The following RTRAF variants were observed in gnomAD, a reference collection of about 807,000 sequenced individuals.
The protein encoded by RTRAF is tRNA-splicing ligase complex subunit RTRAF.
A neutral mutation model predicts 34.4 loss-of-function variants in RTRAF; 14 were observed. The observed-to-expected ratio is 0.41, with a 90% confidence interval of 0.27 to 0.64. The LOEUF (loss-of-function observed/expected upper bound fraction) is 0.64. RTRAF is among the 30% of genes least tolerant of loss of function. RTRAF has a pLI of 0.34. For synonymous variants in RTRAF, 96 were observed against 95.3 expected (o/e 1.01, Z -0.04); for missense variants, 291 against 288.4 (o/e 1.01, Z -0.06).
chr14:52,001,387 T>C (rs750743453), intron 5 of RTRAF, among the ~76,000 whole-genome samples: 3 of 152,200 alleles, frequency 2.0e-5, no homozygotes, highest in African/African-American at 4.8e-5. Flanking sequence ...TATGATCTGC[T>C]ACCCTTTGTG....
chr14:51,999,910 G>A, intron 5 of RTRAF, 114 bp downstream of exon 5: 1 of 671,816 alleles, frequency 1.5e-6, no homozygotes, highest in Non-Finnish European at 2.5e-6. Flanking sequence ...AAAATACACA[G>A]AAGAATATGA....
intron 4 of RTRAF, chr14:51,999,501 G>A: frequency 4.3e-6 from 2 of 467,888 alleles, no homozygotes; most frequent in Non-Finnish European, 3.8e-6. Context: ...GTCTCATACA[G>A]TAATAGGAAA....
At position 52,005,176 on chromosome 14, in the gene RTRAF, T is replaced by A. The variant is rs1052725857; in HGVS notation, c.*660T>A. 1 of 249,510 alleles carries A rather than the reference T, an allele frequency of 4.0e-6. No homozygotes were observed. Among genetic ancestry groups the A allele is most frequent in the Non-Finnish European group, 7.6e-6 (1 of 131,404 alleles). The allele number at this position is 249,510 out of a possible 1,614,324, so 15.5% of individuals were successfully genotyped here. A position where few individuals can be genotyped will look rare whatever the true frequency, so the allele number is the denominator to read the frequency against. ...GTTTAGAGTCTTAAACTCTAATTCTTAGTTGAATGAATTTGATCTTTTAAA... is the reference window on the plus strand; with the variant it reads ...GTTTAGAGTCTTAAACTCTAATTCTAAGTTGAATGAATTTGATCTTTTAAA... On this transcript the variant is annotated 3_prime_UTR_variant, in exon 8 of 8. Coordinates refer to ENST00000261700, the MANE Select transcript of RTRAF (RefSeq NM_016039.3).
Position 51,993,742 on chromosome 14 carries a change from G to A in RTRAF, c.206G>A (p.Cys69Tyr). Residue 69 changes from cysteine (C) to tyrosine (Y), a missense_variant, in exon 3 of 8, where the codon TGT becomes TAT. Physicochemically the swap from Cys to Tyr is radical, Grantham distance 194 (BLOSUM62 -2). Transcript: ENST00000261700. ...FFEKYLRDVN[C>Y]PFKIQDRQEA... ...TCACAGTATCTCAGAGATGTTAACTGTCCTTTCAAGATTCAAGATCGACAA... is the reference window on the plus strand; with the variant it reads ...TCACAGTATCTCAGAGATGTTAACTATCCTTTCAAGATTCAAGATCGACAA... 6.2e-7 allele frequency: 1 copy of A among 1,600,378 alleles called. No homozygotes were observed. The highest frequency in any genetic ancestry group is 8.5e-7 in the Non-Finnish European group (1 of 1,173,342).
intron 5 of RTRAF, 102 bp downstream of exon 5, chr14:51,999,898 C>A: frequency 2.7e-6 from 2 of 740,660 alleles, no homozygotes; most frequent in East Asian, 5.5e-5. Context: ...GGTTGAATGA[C>A]TAAAATACAC....
intron 4 of RTRAF, 43 bp downstream of exon 4, chr14:51,998,623 T>G (rs2140329649): frequency 7.5e-7 from 1 of 1,329,278 alleles, no homozygotes; most frequent in Non-Finnish European, 1.0e-6. Flanking sequence ...ACATTTTTGG[T>G]TTTTTAAATG....
intron 6 of RTRAF, 189 bp from the exon 7 acceptor site, chr14:52,004,005 G>T: frequency 1.7e-6 from 1 of 599,932 alleles, no homozygotes; most frequent in Non-Finnish European, 3.0e-6. Context: ...CCCCCTAACC[G>T]GTTGAAATAG....
chr14:51,996,686 T>G (rs1890526318), intron 3 of RTRAF, among the ~76,000 whole-genome samples: 1 of 152,032 alleles, frequency 6.6e-6, no homozygotes, highest in South Asian at 2.1e-4. Context: ...TTAAACACTT[T>G]AAAGTGCATT....
At position 52,006,531 on chromosome 14, in the gene RTRAF, GC is replaced by G. The variant is rs762107123; in HGVS notation, c.*2016del. 7 of 1,613,354 alleles carry G rather than the reference GC, an allele frequency of 4.3e-6. No homozygotes were observed. The highest frequency in any genetic ancestry group is 5.9e-6 in the Non-Finnish European group (7 of 1,179,450). On this transcript the variant is annotated 3_prime_UTR_variant, in exon 8 of 8. Transcript: ENST00000261700. The stretch of plus-strand genomic sequence containing the variant: ...TTCAGGCTTGTCCAGAATTTGTGGG[GC>G]TCACCTCCTCCAGTCTGTGTGGTAG...
chr14:51,994,602 C>G (rs764991503), intron 3 of RTRAF, among the ~76,000 whole-genome samples: 2 of 152,134 alleles, frequency 1.3e-5, no homozygotes, highest in African/African-American at 2.4e-5. Flanking sequence ...ATTAGTGTCA[C>G]CTTCTGTTCT....
Position 52,005,479 on chromosome 14 carries a change from A to ACTGTACTTACTTTCTTCCTGT in RTRAF, c.*964_*984dup, listed in dbSNP as rs760106209. 22 of 1,595,118 alleles carry ACTGTACTTACTTTCTTCCTGT rather than the reference A, an allele frequency of 1.4e-5. No individual in the cohort carries two copies. In the East Asian group the frequency reaches 4.7e-4, roughly 34 times the overall value. On this transcript the variant is annotated 3_prime_UTR_variant, in exon 8 of 8. Coordinates refer to ENST00000261700, the MANE Select transcript of RTRAF (RefSeq NM_016039.3). ...TAAACTCCAAGTCTTCCTTTACATT[A>ACTGTACTTACTTTCTTCCTGT]CTGTACTTACTTTCTTCCTGTGAGA...
intron 2 of RTRAF, among the ~76,000 whole-genome samples, chr14:51,991,698 T>G (rs967124674): frequency 1.3e-5 from 2 of 152,192 alleles, no homozygotes; most frequent in African/African-American, 4.8e-5. Context: ...AAATAAATAA[T>G]GATGTAAATA....
In RTRAF at chr14:52,007,257, TG is replaced by T. The variant is rs1258842102; in HGVS notation, c.*2742del. ...GTTTTAAACAACTGGGTTATAAAAG[TG>T]ACCTATGTACATTAGGCCCTTTTAT... is the stretch of plus-strand genomic sequence containing the variant. On this transcript the variant is annotated 3_prime_UTR_variant, in exon 8 of 8. Coordinates refer to ENST00000261700, the MANE Select transcript of RTRAF (RefSeq NM_016039.3). 1 of 154,708 alleles carries T rather than the reference TG, an allele frequency of 6.5e-6. No homozygotes were observed. The highest frequency in any genetic ancestry group is 1.4e-5 in the Non-Finnish European group (1 of 69,752). The allele number at this position is 154,708 out of a possible 1,614,324, so 9.6% of individuals were successfully genotyped here. A position where few individuals can be genotyped will look rare whatever the true frequency, so the allele number is the denominator to read the frequency against.
At chr14:51,996,195 A>G (rs1206174793) in intron 3 of RTRAF, among the ~76,000 whole-genome samples, 2 of 152,160 alleles carry the variant, frequency 1.3e-5, no homozygotes, top group South Asian at 2.1e-4. Context: ...AAGGAAGTCA[A>G]CATATACTTG....
rs1334319344 is a variant in RTRAF, at chr14:52,005,031, T to G, written c.*515T>G. On this transcript the variant is annotated 3_prime_UTR_variant, in exon 8 of 8. Coordinates refer to ENST00000261700, the MANE Select transcript of RTRAF (RefSeq NM_016039.3). ...CTTTTGTTGGGAAACTATAAATAAT[T>G]GGTCCTTTCCCATCAGTTCTGCATT... 6.3e-6 allele frequency: 1 copy of G among 158,128 alleles called. No individual in the cohort carries two copies. The highest frequency in any genetic ancestry group is 1.4e-5 in the Non-Finnish European group (1 of 72,056). The allele number at this position is 158,128 out of a possible 1,614,324, so 9.8% of individuals were successfully genotyped here.
rs370113138 is a variant in RTRAF, at chr14:51,991,479, T to G, written c.186+38T>G. 68 of 1,574,304 alleles carry G rather than the reference T, an allele frequency of 4.3e-5. 2 individuals carry two copies. The East Asian group carries it at 7.0e-4, about 16-fold the overall frequency. On this transcript the variant is annotated intron_variant, in intron 2 of 7. Transcript: ENST00000261700. ...GAAGTAAAGTAAAAATACAGAGAGT[T>G]TGTCTGAAAAATCATGAAGATGAGC...
rs1890763668 is a variant in RTRAF at position 52,005,984 on chromosome 14, A to G, written c.*1468A>G. On this transcript the variant is annotated 3_prime_UTR_variant, in exon 8 of 8. Transcript: ENST00000261700. ...CTGTCCCAGGGCTGGTGCTAAAGCCATACTGAAGTTTGAAGACCATTGCTC... is the reference window on the plus strand; with the variant it reads ...CTGTCCCAGGGCTGGTGCTAAAGCCGTACTGAAGTTTGAAGACCATTGCTC... 1 of 654,620 alleles carries G rather than the reference A, an allele frequency of 1.5e-6. No homozygotes were observed. The highest frequency in any genetic ancestry group is 1.7e-5 in the South Asian group (1 of 57,940). The allele number at this position is 654,620 out of a possible 1,614,324, so 40.6% of individuals were successfully genotyped here. A position where few individuals can be genotyped will look rare whatever the true frequency, so the allele number is the denominator to read the frequency against.
At position 52,008,828 on chromosome 14, in the gene RTRAF, A is replaced by G. The variant is rs1311672595; in HGVS notation, c.*4312A>G. On this transcript the variant is annotated 3_prime_UTR_variant, in exon 8 of 8. Coordinates refer to ENST00000261700, the MANE Select transcript of RTRAF (RefSeq NM_016039.3). ...TGTTCTTTCTTCTGCCAAAAATACA[A>G]TTTGGTACTTGAAGGGGTACCTGGC... The G allele has an allele frequency of 2.6e-5, 4 of 152,222 alleles. No homozygotes were observed. The highest frequency in any genetic ancestry group is 1.9e-4 in the East Asian group (1 of 5,200). 9.4% of individuals were successfully genotyped at this position (152,222 alleles called of 1,614,324 possible).
Position 52,005,929 on chromosome 14 carries a change from G to C in RTRAF, c.*1413G>C. On this transcript the variant is annotated 3_prime_UTR_variant, in exon 8 of 8. Transcript: ENST00000261700. ...GTCAGTCAGCCACAGAAAATCAGTTGCAATAGAGGAAAATTTCTGGCAGCC... is the reference window on the plus strand; with the variant it reads ...GTCAGTCAGCCACAGAAAATCAGTTCCAATAGAGGAAAATTTCTGGCAGCC... 1 of 1,079,762 alleles carries C rather than the reference G, an allele frequency of 9.3e-7. No individual in the cohort carries two copies. Among genetic ancestry groups the C allele is most frequent in the Admixed American group, 1.8e-5 (1 of 56,068 alleles). 66.9% of individuals were successfully genotyped at this position (1,079,762 alleles called of 1,614,324 possible). A position where few individuals can be genotyped will look rare whatever the true frequency, so the allele number is the denominator to read the frequency against.
Sources: allele counts gnomAD v4.1 joint callset (sites outside exome capture counted in the v4.1 genomes callset), GRCh38; gene constraint gnomAD v4.1.1; transcripts MANE v1.5; gene names NCBI Gene and HGNC (gene_info 2026-07-23, HGNC 2026-07-21).